The following USP13 variants were observed in gnomAD, a reference collection of about 807,000 sequenced individuals.
The protein encoded by USP13 is ubiquitin specific peptidase 13.
In USP13, 68 loss-of-function variants were observed where a neutral mutation model predicts 107.8. That is an observed-to-expected ratio of 0.63 (90% CI 0.52 to 0.77). USP13 has a LOEUF of 0.77. USP13 is among the 30% of genes least tolerant of loss of function. The pLI, the probability that USP13 is intolerant of heterozygous loss-of-function variation, is 0.00. For missense variants in USP13, 945 were observed against 1,093.3 expected (o/e 0.86, Z 1.91); for synonymous variants, 377 against 389.5 (o/e 0.97, Z 0.38).
intron 10 of USP13, among the ~76,000 whole-genome samples, chr3:179,739,065 C>T (rs967298176): frequency 6.6e-6 from 1 of 152,156 alleles, no homozygotes; most frequent in South Asian, 2.1e-4. Flanking sequence ...GAGCTGCCTC[C>T]CCGCAACTGT....
chr3:179,701,789 G>A (rs1712533476), intron 4 of USP13, among the ~76,000 whole-genome samples: 1 of 151,612 alleles, frequency 6.6e-6, no homozygotes, highest in African/African-American at 2.4e-5. Flanking sequence ...CCTTTCTTTC[G>A]AATCCAGTTT....
At chr3:179,765,532 G>C (rs148189953) in intron 18 of USP13, among the ~76,000 whole-genome samples, 163 bp from the exon 19 acceptor site, 1 of 152,192 alleles carries the variant, frequency 6.6e-6, no homozygotes. Flanking sequence ...CCAACTGAAC[G>C]TGCCTGTCAT....
chr3:179,736,602 G>C (rs1409108663), intron 10 of USP13, among the ~76,000 whole-genome samples: 3 of 152,208 alleles, frequency 2.0e-5, no homozygotes, highest in African/African-American at 7.2e-5. Flanking sequence ...CTAAATGATC[G>C]ACAACTCTCA....
At chr3:179,768,487 A>G (rs2108542491) in intron 19 of USP13, among the ~76,000 whole-genome samples, 1 of 152,242 alleles carries the variant, frequency 6.6e-6, no homozygotes, top group Non-Finnish European at 1.5e-5. Flanking sequence ...TGAGGGTGAG[A>G]GTAGCGAAGG....
chr3:179,703,227 G>A (rs1014151701), intron 4 of USP13, among the ~76,000 whole-genome samples: 2 of 152,266 alleles, frequency 1.3e-5, no homozygotes, highest in African/African-American at 4.8e-5. Context: ...TGATGGTAAT[G>A]GATAGGATTT....
At chr3:179,671,213 A>G (rs936793284) in intron 1 of USP13, among the ~76,000 whole-genome samples, 2 of 152,112 alleles carry the variant, frequency 1.3e-5, no homozygotes, top group Non-Finnish European at 2.9e-5. Flanking sequence ...TTTCTGGGCA[A>G]CAGAGTGAGA....
intron 1 of USP13, among the ~76,000 whole-genome samples, chr3:179,665,684 C>A (rs957701947): frequency 2.6e-5 from 4 of 152,126 alleles, no homozygotes; most frequent in Non-Finnish European, 5.9e-5. Flanking sequence ...CTCCTCGATT[C>A]CAGTGATTCT....
rs1714726649 is a variant in USP13, at chr3:179,754,716, C to T, written c.1799-16C>T. On this transcript the variant is annotated splice_polypyrimidine_tract_variant and intron_variant, in intron 14 of 20. Transcript: ENST00000263966. ...TTATGGAGAGCCCAGTGGATATAATCTCTCTCATTTTGCAGATGTTTCTAT... is the reference window on the plus strand; with the variant it reads ...TTATGGAGAGCCCAGTGGATATAATTTCTCTCATTTTGCAGATGTTTCTAT... 1 of 1,610,136 alleles carries T rather than the reference C, an allele frequency of 6.2e-7. No homozygotes were observed. Among genetic ancestry groups the T allele is most frequent in the Non-Finnish European group, 8.5e-7 (1 of 1,178,248 alleles).
intron 19 of USP13, among the ~76,000 whole-genome samples, chr3:179,775,448 T>A (rs1282527588): frequency 6.6e-6 from 1 of 152,248 alleles, no homozygotes; most frequent in Non-Finnish European, 1.5e-5. Flanking sequence ...GGAGCCCAAC[T>A]GGCTTTGCCT....
rs776747152 is a variant in USP13 at position 179,785,559 on chromosome 3, G to A, written c.*1418G>A. 1 of 152,172 alleles carries A rather than the reference G, an allele frequency of 6.6e-6. No individual in the cohort carries two copies. The highest frequency in any genetic ancestry group is 2.4e-5 in the African/African-American group (1 of 41,454). The allele number at this position is 152,172 out of a possible 1,614,324, so 9.4% of individuals were successfully genotyped here. A position where few individuals can be genotyped will look rare whatever the true frequency, so the allele number is the denominator to read the frequency against. The stretch of plus-strand genomic sequence containing the variant: ...TCAGAGTATTTGGTCAAACGAAAAA[G>A]AATTTATTGCTGTCTGTTTAACATG... On this transcript the variant is annotated 3_prime_UTR_variant, in exon 21 of 21. Transcript: ENST00000263966.
intron 7 of USP13, 119 bp downstream of exon 7, chr3:179,720,153 G>T: frequency 1.6e-6 from 1 of 625,416 alleles, no homozygotes; most frequent in Non-Finnish European, 2.5e-6. Context: ...CATTTTATAG[G>T]TTTTAGCTTT....
chr3:179,708,804 G>T lies in USP13; in HGVS notation c.652G>T (p.Glu218Ter). 6.2e-7 allele frequency: 1 copy of T among 1,614,200 alleles called. No homozygotes were observed. The highest frequency in any genetic ancestry group is 1.1e-5 in the South Asian group (1 of 91,084). Residue 218 changes from glutamate (E) to a stop codon, truncating the protein, a stop_gained, in exon 6 of 21, where the codon GAA (glutamate) becomes TAA (stop). Coordinates refer to ENST00000263966, the MANE Select transcript of USP13 (RefSeq NM_003940.3). LOFTEE classifies it high-confidence loss of function. Reference sequence around the variant, plus strand: ...GAAGTGTGCCAGATGCGACCTGCGAGAAAACCTCTGGTTGAATCTGACTGA... The same window carrying T: ...GAAGTGTGCCAGATGCGACCTGCGATAAAACCTCTGGTTGAATCTGACTGA... ...GWKCARCDLR[E>*]NLWLNLTDGS...
chr3:179,764,183 CTGTGTGTGTGTG>C lies in USP13; in HGVS notation c.2259+36_2259+47del, dbSNP rs3222346. On this transcript the variant is annotated intron_variant, in intron 18 of 20. Transcript: ENST00000263966. ...TACGAGCAACGGTGAGCATGAGAGA[CTGTGTGTGTGTG>C]TGTGTGTGTGTGTGTGTGTGAATTT... 3.2e-5 allele frequency: 46 copies of C among 1,447,916 alleles called. No homozygotes were observed. The highest frequency in any genetic ancestry group is 1.0e-4 in the African/African-American group (7 of 69,104). The allele number at this position is 1,447,916 out of a possible 1,614,324, so 89.7% of individuals were successfully genotyped here.
chr3:179,704,584 G>A (rs527800450), intron 4 of USP13, among the ~76,000 whole-genome samples: 5 of 152,248 alleles, frequency 3.3e-5, no homozygotes, highest in African/African-American at 1.2e-4. Context: ...TCAGGAACAA[G>A]GAAGAAGTCC....
At chr3:179,765,980 T>G (rs544932527) in intron 19 of USP13, 132 bp downstream of exon 19, 20 of 1,065,930 alleles carry the variant, frequency 1.9e-5, no homozygotes, top group Non-Finnish European at 2.4e-5. Flanking sequence ...CTTCTTCGTT[T>G]TTTTTTTTTT....
intron 2 of USP13, 86 bp downstream of exon 2, chr3:179,682,089 A>T: frequency 6.7e-7 from 1 of 1,489,518 alleles, no homozygotes; most frequent in Admixed American, 2.1e-5. Context: ...AAATTTGACC[A>T]TGCCCACATA....
chr3:179,767,796 AT>A (rs2108541730), intron 19 of USP13, among the ~76,000 whole-genome samples: 1 of 152,252 alleles, frequency 6.6e-6, no homozygotes, highest in South Asian at 2.1e-4. Context: ...CACTAGCAGC[AT>A]TTGTTCCTAT....
intron 6 of USP13, among the ~76,000 whole-genome samples, chr3:179,714,873 T>TC (rs1553792836): frequency 2.0e-5 from 3 of 149,816 alleles, no homozygotes; most frequent in Non-Finnish European, 4.5e-5. Flanking sequence ...CCTTTTTCTT[T>TC]TTTTTTTTTT....
chr3:179,730,511 C>CAGA (rs1713763335), intron 9 of USP13, 105 bp from the exon 10 acceptor site: 2 of 965,458 alleles, frequency 2.1e-6, no homozygotes, highest in African/African-American at 3.3e-5. Flanking sequence ...AGATCAAATG[C>CAGA]TCCACCTAAC....
Sources: gnomAD v4.1 joint callset for allele counts (sites outside exome capture counted in the v4.1 genomes callset) on GRCh38, gnomAD v4.1.1 for gene constraint, MANE v1.5 for transcripts, NCBI Gene and HGNC (gene_info 2026-07-23, HGNC 2026-07-21) for gene names.